NCKAP5: variants seen among roughly 807,000 people sequenced by gnomAD.
The protein encoded by NCKAP5 is NCK associated protein 5.
A neutral mutation model predicts 167.0 loss-of-function variants in NCKAP5; 92 were observed. That is an observed-to-expected ratio of 0.55 (90% CI 0.47 to 0.66). The LOEUF (loss-of-function observed/expected upper bound fraction) is 0.66, where lower values mean the gene tolerates loss of function less well. NCKAP5 is among the 30% of genes least tolerant of loss of function. The pLI, the probability that NCKAP5 is intolerant of heterozygous loss-of-function variation, is 0.00. For synonymous variants in NCKAP5, 891 were observed against 877.4 expected, an observed-to-expected ratio of 1.02 and a Z score of -0.27; for missense variants, 2,378 against 2,315.0, an observed-to-expected ratio of 1.03 and a Z score of -0.56.
intron 3 of NCKAP5, among the ~76,000 whole-genome samples, chr2:133,352,017 T>A (rs1040879824): frequency 2.6e-5 from 4 of 152,104 alleles, no homozygotes; most frequent in Non-Finnish European, 5.9e-5. Context: ...CCATTTTCTA[T>A]GAAAAAAAAT....
intron 8 of NCKAP5, among the ~76,000 whole-genome samples, chr2:132,883,642 G>C (rs1214106979): frequency 6.6e-6 from 1 of 152,168 alleles, no homozygotes; most frequent in African/African-American, 2.4e-5. Flanking sequence ...GTGTCCACCT[G>C]TGTGCAGTGC....
chr2:133,070,541 T>C (rs1317334910), intron 6 of NCKAP5, among the ~76,000 whole-genome samples: 1 of 152,126 alleles, frequency 6.6e-6, no homozygotes, highest in East Asian at 1.9e-4. Flanking sequence ...TCAAGTCTCT[T>C]ACCAGAATCC....
chr2:133,196,099 A>T (rs2085425052), intron 5 of NCKAP5, among the ~76,000 whole-genome samples: 1 of 152,178 alleles, frequency 6.6e-6, no homozygotes, highest in Non-Finnish European at 1.5e-5. Flanking sequence ...TTACAAAAAT[A>T]TAAAGGTTCA....
intron 11 of NCKAP5, among the ~76,000 whole-genome samples, chr2:132,812,511 G>T (rs1011302550): frequency 3.3e-5 from 5 of 152,034 alleles, no homozygotes; most frequent in African/African-American, 1.2e-4. Context: ...TGAATGTTGG[G>T]GTACAATGAT....
Position 132,783,794 on chromosome 2 carries a change from G to C in NCKAP5, c.3017C>G (p.Thr1006Ser), listed in dbSNP as rs760521196. The change falls in exon 14 of 20, where the codon ACT (threonine) becomes AGT (serine). Residue 1006 changes from threonine to serine, a missense_variant. By Grantham distance (58) the Thr-to-Ser change is moderately conservative. Transcript: ENST00000409261. Reference protein sequence around the residue: ...PSVAFKKPIFTHPMPSPEAVI... With the variant: ...PSVAFKKPIFSHPMPSPEAVI... ...TGCTTCTGGGGAGGGCATAGGGTGA[G>C]TGAAGATAGGCTTTTTGAAGGCCAC... 1.9e-6 allele frequency: 3 copies of C among 1,547,464 alleles called. No individual in the cohort carries two copies. Among genetic ancestry groups the C allele is most frequent in the Non-Finnish European group, 1.7e-6 (2 of 1,149,470 alleles).
intron 5 of NCKAP5, among the ~76,000 whole-genome samples, chr2:133,159,973 T>C (rs2083720525): frequency 6.6e-6 from 1 of 152,178 alleles, no homozygotes; most frequent in Admixed American, 6.5e-5. Context: ...TGGGGATATG[T>C]AGTCCCTCTC....
chr2:132,696,508 G>A (rs1687323620), intron 19 of NCKAP5, among the ~76,000 whole-genome samples: 6 of 152,138 alleles, frequency 3.9e-5, no homozygotes, highest in Admixed American at 2.6e-4. Context: ...GAAGTCCAAC[G>A]ACTTCACTGA....
intron 8 of NCKAP5, among the ~76,000 whole-genome samples, chr2:132,946,289 G>A (rs1022567363): frequency 2.0e-5 from 3 of 152,106 alleles, no homozygotes; most frequent in African/African-American, 4.8e-5. Flanking sequence ...GAGCCAATAT[G>A]AGTGACCTTC....
chr2:133,670,271 G>T, the NCKAP5 span, among the ~76,000 whole-genome samples: 3 of 152,156 alleles, frequency 2.0e-5, no homozygotes, highest in Non-Finnish European at 4.4e-5. Flanking sequence ...CTTATAATAA[G>T]CCCTCAGTAA....
the NCKAP5 span, among the ~76,000 whole-genome samples, chr2:133,590,148 T>G: frequency 2.0e-5 from 3 of 152,026 alleles, no homozygotes; most frequent in Admixed American, 2.0e-4. Flanking sequence ...GCCTAACGAG[T>G]CAGTTTTCCT....
chr2:132,782,773 GGAGGGGTGCCCC>G lies in NCKAP5; in HGVS notation c.4026_4037del (p.Gly1343_Ser1346del). The G allele has an allele frequency of 1.2e-6, 2 of 1,613,870 alleles. No homozygotes were observed. The highest frequency in any genetic ancestry group is 1.7e-6 in the Non-Finnish European group (2 of 1,179,810). ...AGCTCCCCAGGGAGCCCTTCCCGGA[GGAGGGGTGCCCC>G]GAGGGCCTCCCAACACTGGGGAGAC... On this transcript the variant is annotated inframe_deletion, in exon 14 of 20. Coordinates refer to ENST00000409261, the MANE Select transcript of NCKAP5 (RefSeq NM_207363.3).
chr2:133,444,310 A>T (rs1691045047), intron 3 of NCKAP5, among the ~76,000 whole-genome samples: 1 of 152,212 alleles, frequency 6.6e-6, no homozygotes, highest in Non-Finnish European at 1.5e-5. Flanking sequence ...TAGGGGGCCC[A>T]GAAACTTTGC....
chr2:132,700,029 G>A (rs1457367105), intron 19 of NCKAP5, among the ~76,000 whole-genome samples: 4 of 152,160 alleles, frequency 2.6e-5, no homozygotes, highest in Non-Finnish European at 5.9e-5. Context: ...ATTCTAACTG[G>A]TGTGAGATGG....
At chr2:133,060,098 G>T (rs1277909939) in intron 6 of NCKAP5, among the ~76,000 whole-genome samples, 1 of 152,134 alleles carries the variant, frequency 6.6e-6, no homozygotes, top group Non-Finnish European at 1.5e-5. Context: ...AAATGCATAA[G>T]AATATACATT....
At chr2:133,037,557 GT>G (rs1322149368) in intron 6 of NCKAP5, among the ~76,000 whole-genome samples, 1 of 152,064 alleles carries the variant, frequency 6.6e-6, no homozygotes, top group Non-Finnish European at 1.5e-5. Flanking sequence ...AAAAAACTGT[GT>G]CTTCAATAAA....
At chr2:132,722,974 T>C (rs1049082488) in intron 19 of NCKAP5, among the ~76,000 whole-genome samples, 2 of 151,584 alleles carry the variant, frequency 1.3e-5, no homozygotes, top group Non-Finnish European at 2.9e-5. Flanking sequence ...TGCCACCACA[T>C]CCACTACACC....
At chr2:133,082,946 C>A (rs908335937) in intron 6 of NCKAP5, among the ~76,000 whole-genome samples, 1 of 152,126 alleles carries the variant, frequency 6.6e-6, no homozygotes, top group South Asian at 2.1e-4. Flanking sequence ...CCACATCCCA[C>A]TCTAGGGCCA....
At chr2:132,779,940 A>G (rs1413943327) in intron 15 of NCKAP5, among the ~76,000 whole-genome samples, 1 of 152,166 alleles carries the variant, frequency 6.6e-6, no homozygotes, top group Admixed American at 6.5e-5. Context: ...TTAGAGTACA[A>G]AAAGATATGG....
chr2:133,593,868 T>G, the NCKAP5 span, among the ~76,000 whole-genome samples: 1 of 152,164 alleles, frequency 6.6e-6, no homozygotes, highest in South Asian at 2.1e-4. Flanking sequence ...CAGCCCTCAC[T>G]TCCATACTAG....
Sources: allele counts gnomAD v4.1 joint callset (sites outside exome capture counted in the v4.1 genomes callset), GRCh38; gene constraint gnomAD v4.1.1; transcripts MANE v1.5; gene names NCBI Gene and HGNC (gene_info 2026-07-23, HGNC 2026-07-21).